CCNJL: variants seen among roughly 807,000 people sequenced by gnomAD.
CCNJL encodes cyclin J like, also known as cyclin-J-like protein.
CCNJL carries 33 observed loss-of-function variants against 33.4 expected under a neutral mutation model. That is an observed-to-expected ratio of 0.99 (90% CI 0.75 to 1.32). CCNJL has a LOEUF of 1.32. Ranked by LOEUF, CCNJL falls within the 40% of genes most tolerant of loss-of-function variation. CCNJL has a pLI of 0.00. For synonymous variants in CCNJL, 227 were observed against 220.9 expected, an observed-to-expected ratio of 1.03 and a Z score of -0.24; for missense variants, 512 against 499.7, an observed-to-expected ratio of 1.02 and a Z score of -0.23.
chr5:160,321,600 C>T (rs1038066135), intron 1 of CCNJL, among the ~76,000 whole-genome samples: 5 of 152,274 alleles, frequency 3.3e-5, no homozygotes, highest in Non-Finnish European at 4.4e-5. Flanking sequence ...TTCTTGATTA[C>T]GCAAGTATCA....
intron 3 of CCNJL, among the ~76,000 whole-genome samples, chr5:160,276,647 T>C (rs1480462464): frequency 1.3e-5 from 2 of 152,176 alleles, no homozygotes; most frequent in Non-Finnish European, 2.9e-5. Flanking sequence ...GACTGCTTAA[T>C]GGGTACGAAG....
At chr5:160,304,216 C>G (rs1421290170) in intron 2 of CCNJL, among the ~76,000 whole-genome samples, 1 of 152,242 alleles carries the variant, frequency 6.6e-6, no homozygotes, top group African/African-American at 2.4e-5. Flanking sequence ...CTAAAAGACT[C>G]AAGTGACAAC....
rs532013698 is a variant in CCNJL at position 160,279,140 on chromosome 5, T to C, written c.280+1385A>G. 3.9e-5 allele frequency among the ~76,000 whole-genome samples: 6 copies of C among 152,292 alleles called. No homozygotes were observed. The South Asian group carries it at 8.3e-4, about 21-fold the overall frequency. On this transcript the variant is annotated intron_variant, in intron 3 of 5. Transcript: ENST00000257536. The stretch of plus-strand genomic sequence containing the variant: ...ACTGGGTGATCGTGCCCATGGGGTT[T>C]ATGGAAGCCTGCCAAAAGCAGACAA...
chr5:160,260,824 C>T (rs1404873154), intron 3 of CCNJL, among the ~76,000 whole-genome samples: 1 of 152,186 alleles, frequency 6.6e-6, no homozygotes, highest in Non-Finnish European at 1.5e-5. Flanking sequence ...CCAACCCTGA[C>T]CTGTCCTTCA....
intron 1 of CCNJL, among the ~76,000 whole-genome samples, chr5:160,325,064 A>G (rs1763518503): frequency 6.6e-6 from 1 of 152,170 alleles, no homozygotes; most frequent in South Asian, 2.1e-4. Context: ...CTCTCAGATC[A>G]CAGCTTCCCC....
At chr5:160,296,164 A>G (rs564915349) in intron 2 of CCNJL, among the ~76,000 whole-genome samples, 1 of 152,338 alleles carries the variant, frequency 6.6e-6, no homozygotes, top group African/African-American at 2.4e-5. Flanking sequence ...TGCCTTGGTC[A>G]GTACATTTAA....
intron 2 of CCNJL, among the ~76,000 whole-genome samples, chr5:160,293,195 G>T (rs1762641411): frequency 6.6e-6 from 1 of 152,202 alleles, no homozygotes; most frequent in African/African-American, 2.4e-5. Context: ...GAGGCAGGCA[G>T]ATTACCTGAG....
rs555720478 is a variant in CCNJL, at chr5:160,289,279, T to C, written c.67-8541A>G. Among the ~76,000 whole-genome samples the C allele has an allele frequency of 2.1e-3, 323 of 152,312 alleles. 3 individuals carry two copies. Among genetic ancestry groups the C allele is most frequent in the African/African-American group, 7.3e-3 (305 of 41,576 alleles). On this transcript the variant is annotated intron_variant, in intron 2 of 5. Transcript: ENST00000257536. The stretch of plus-strand genomic sequence containing the variant: ...GAGGGACGGAGCTGCTTTTCTCTCC[T>C]GCCCTTGGCCATACCCTTGGTCCCT...
At chr5:160,258,633 A>G in intron 4 of CCNJL, 2 of 1,027,620 alleles carry the variant, frequency 1.9e-6, no homozygotes, top group Non-Finnish European at 3.1e-6. Context: ...GAAGATGGTT[A>G]AACCTGAAAC....
exon 1 of CCNJL, chr5:160,339,533 T>C (rs911247987): frequency 2.4e-5 from 11 of 452,434 alleles, no homozygotes; most frequent in Non-Finnish European, 4.5e-5. Flanking sequence ...TTCCAAATCT[T>C]TGTCGACTTG....
intron 2 of CCNJL, among the ~76,000 whole-genome samples, chr5:160,311,041 C>T (rs1168948683): frequency 6.6e-6 from 1 of 152,160 alleles, no homozygotes; most frequent in East Asian, 1.9e-4. Context: ...ACACCTGTTC[C>T]CCAAGCCACC....
intron 3 of CCNJL, among the ~76,000 whole-genome samples, chr5:160,262,366 AG>A (rs1190277310): frequency 6.6e-6 from 1 of 152,246 alleles, no homozygotes; most frequent in Admixed American, 6.5e-5. Context: ...GGAAGGCACC[AG>A]GGATTACTGC....
intron 3 of CCNJL, among the ~76,000 whole-genome samples, chr5:160,263,403 A>T (rs1458824642): frequency 6.6e-6 from 1 of 152,218 alleles, no homozygotes; most frequent in Non-Finnish European, 1.5e-5. Flanking sequence ...TGGATCCAGA[A>T]TCCAAACTAG....
At chr5:160,292,743 T>C (rs1243710340) in intron 2 of CCNJL, among the ~76,000 whole-genome samples, 2 of 152,144 alleles carry the variant, frequency 1.3e-5, no homozygotes, top group African/African-American at 4.8e-5. Flanking sequence ...AATATTTTTT[T>C]CTATAATTTG....
chr5:160,324,375 C>G (rs1581021125), intron 1 of CCNJL, among the ~76,000 whole-genome samples: 1 of 151,920 alleles, frequency 6.6e-6, no homozygotes, highest in East Asian at 1.9e-4. Context: ...GAGTTCTAGA[C>G]CAGCCTGGCC....
chr5:160,304,655 T>C (rs1215649899), intron 2 of CCNJL, among the ~76,000 whole-genome samples: 1 of 152,106 alleles, frequency 6.6e-6, no homozygotes, highest in Non-Finnish European at 1.5e-5. Context: ...TTTGGAACAC[T>C]TTCTTTTTGG....
In CCNJL at chr5:160,283,010, CAT is replaced by C. The variant is rs1160073062; in HGVS notation, c.67-2274_67-2273del. ...ATATATATATATATATATATATATA[CAT>C]ATATATATATATATACCTAAGAGAA... is the stretch of plus-strand genomic sequence containing the variant. On this transcript the variant is annotated intron_variant, in intron 2 of 5. Coordinates refer to ENST00000257536, the MANE Select transcript of CCNJL (RefSeq NM_001308173.3). Among the ~76,000 whole-genome samples, 43 of 27,952 alleles carry C rather than the reference CAT, an allele frequency of 1.5e-3. 1 individual carries two copies. Among genetic ancestry groups the C allele is most frequent in the East Asian group, 5.6e-3 (3 of 540 alleles). 18.3% of individuals were successfully genotyped at this position (27,952 alleles called of 152,430 possible).
At chr5:160,260,261 T>C (rs542346700) in intron 3 of CCNJL, among the ~76,000 whole-genome samples, 1 of 152,262 alleles carries the variant, frequency 6.6e-6, no homozygotes, top group South Asian at 2.1e-4. Context: ...GAAAAGCTCT[T>C]CAATGGCTTC....
chr5:160,273,539 G>T (rs909562414), intron 3 of CCNJL, among the ~76,000 whole-genome samples: 14 of 151,986 alleles, frequency 9.2e-5, no homozygotes, highest in African/African-American at 2.9e-4. Context: ...GAAGAAGACA[G>T]AGTGCTTCTT....
Sources: gnomAD v4.1 joint callset for allele counts (sites outside exome capture counted in the v4.1 genomes callset) on GRCh38, gnomAD v4.1.1 for gene constraint, MANE v1.5 for transcripts, NCBI Gene and HGNC (gene_info 2026-07-23, HGNC 2026-07-21) for gene names.